The following SKI variants were observed in gnomAD, a reference collection of about 807,000 sequenced individuals.
The protein encoded by SKI is SKI proto-oncogene.
In SKI, 23 loss-of-function variants were observed where a neutral mutation model predicts 59.3. The ratio of observed to expected loss-of-function variants is 0.39; its 90% CI spans 0.28 to 0.55. The LOEUF is 0.55. Ranked by LOEUF, SKI falls within the 20% of genes least tolerant of loss-of-function variation. The pLI, the probability that SKI is intolerant of heterozygous loss-of-function variation, is 0.67. For missense variants in SKI, 1,017 were observed against 1,038.9 expected (o/e 0.98, Z 0.29); for synonymous variants, 673 against 488.6 (o/e 1.38, Z -4.98).
chr1:2,246,997 C>T (rs927697136), intron 1 of SKI, among the ~76,000 whole-genome samples: 5 of 152,138 alleles, frequency 3.3e-5, no homozygotes, highest in Admixed American at 6.5e-5. Context: ...CTGAGGCCAG[C>T]GGATCACAAG....
At chr1:2,249,343 C>A (rs1377912442) in intron 1 of SKI, among the ~76,000 whole-genome samples, 1 of 152,220 alleles carries the variant, frequency 6.6e-6, no homozygotes, top group Non-Finnish European at 1.5e-5. Flanking sequence ...CTAGCGTTGC[C>A]GGCCACGCAG....
intron 1 of SKI, among the ~76,000 whole-genome samples, chr1:2,289,200 T>G (rs1358971963): frequency 6.6e-6 from 1 of 152,100 alleles, no homozygotes; most frequent in Non-Finnish European, 1.5e-5. Flanking sequence ...GCTCCTCTGT[T>G]ATGTTGAGCC....
At position 2,303,688 on chromosome 1, in the gene SKI, A is replaced by T; in HGVS notation, c.1212-152A>T. ...GAGACCCAGCAAGCAGAAAACGCTTACGGGTTCTTAGGGAACTGTAAGCTT... is the reference window on the plus strand; with the variant it reads ...GAGACCCAGCAAGCAGAAAACGCTTTCGGGTTCTTAGGGAACTGTAAGCTT... On this transcript the variant is annotated intron_variant, in intron 3 of 6. Coordinates refer to ENST00000378536, the MANE Select transcript of SKI (RefSeq NM_003036.4). This position sits in a 1 kb window ranked among gnomAD's most constrained non-coding sequence, Gnocchi z 5.6. The T allele has an allele frequency of 1.8e-6, 2 of 1,098,490 alleles. No individual in the cohort carries two copies. The highest frequency in any genetic ancestry group is 1.6e-5 in the African/African-American group (1 of 63,880). The allele number at this position is 1,098,490 out of a possible 1,614,324, so 68.0% of individuals were successfully genotyped here.
intron 1 of SKI, among the ~76,000 whole-genome samples, chr1:2,274,383 C>G (rs1639696865): frequency 6.6e-6 from 1 of 152,104 alleles, no homozygotes; most frequent in Non-Finnish European, 1.5e-5. Flanking sequence ...GTTTGCAGGT[C>G]ACGACCACCC....
rs1640683820 is a variant in SKI, at chr1:2,309,305, T to A, written c.*2540T>A. ...TCATCTAAGTGATTGTGTATTCAGT[T>A]TAATTCTCATTATATTTCTATACTG... On this transcript the variant is annotated 3_prime_UTR_variant, in exon 7 of 7. Transcript: ENST00000378536. 6.6e-6 allele frequency: 1 copy of A among 152,172 alleles called. No individual in the cohort carries two copies. The highest frequency in any genetic ancestry group is 1.5e-5 in the Non-Finnish European group (1 of 68,044). 9.4% of individuals were successfully genotyped at this position (152,172 alleles called of 1,614,324 possible).
chr1:2,244,599 C>T (rs10910034), intron 1 of SKI, among the ~76,000 whole-genome samples: 62,336 of 151,874 alleles, frequency 0.41, 13,078 homozygotes, highest in Admixed American at 0.47. Context: ...AAAGCAAAAA[C>T]AAGATTCTGT....
chr1:2,243,456 C>A (rs989381839), intron 1 of SKI, among the ~76,000 whole-genome samples: 3 of 152,194 alleles, frequency 2.0e-5, no homozygotes, highest in Non-Finnish European at 4.4e-5. Flanking sequence ...CTGGTCTGCG[C>A]GTGTGCTCTC....
At chr1:2,287,683 T>C (rs1640070204) in intron 1 of SKI, among the ~76,000 whole-genome samples, 1 of 151,794 alleles carries the variant, frequency 6.6e-6, no homozygotes, top group Non-Finnish European at 1.5e-5. Flanking sequence ...TGTGGACGGG[T>C]CTTGCATGCG....
intron 1 of SKI, among the ~76,000 whole-genome samples, chr1:2,263,581 T>C (rs564253088): frequency 3.8e-4 from 58 of 152,178 alleles, no homozygotes; most frequent in African/African-American, 1.3e-3. Context: ...GTGTGTGTTT[T>C]TTTTTCTTCT....
Position 2,229,157 on chromosome 1 carries a change from C to T in SKI, c.391C>T (p.Leu131=), listed in dbSNP as rs1367983803. The change falls in exon 1 of 7, where the codon CTG becomes TTG. Residue 131 remains leucine, a synonymous_variant. Transcript: ENST00000378536. This position sits in a 1 kb window ranked among gnomAD's most constrained non-coding sequence, Gnocchi z 6.3. ...TCTGCCGCAGATTCTCAACTCGGTG[C>T]TGCGCGACTTCTCGCTGCAGCAGAT... The part of the protein sequence containing the change: ...LCLPQILNSV[L]RDFSLQQINA... 2 of 1,611,956 alleles carry T rather than the reference C, an allele frequency of 1.2e-6. No individual in the cohort carries two copies. Among genetic ancestry groups the T allele is most frequent in the East Asian group, 2.2e-5 (1 of 44,848 alleles).
Position 2,229,003 on chromosome 1 carries a change from C to G in SKI, c.237C>G (p.Ile79Met), listed in dbSNP as rs1288618920. The G allele has an allele frequency of 6.4e-7, 1 of 1,568,358 alleles. No individual in the cohort carries two copies. The highest frequency in any genetic ancestry group is 8.6e-7 in the Non-Finnish European group (1 of 1,164,540). Residue 79 changes from isoleucine to methionine, a missense_variant, in exon 1 of 7, where the codon ATC becomes ATG. By Grantham distance (10) the Ile-to-Met change is conservative. Transcript: ENST00000378536. The surrounding 1 kb of genome is among the most constrained non-coding windows in gnomAD (Gnocchi z 6.3). ...EPPPVLHLPA[I>M]QPPPPVLPGP... ...CGCCCGTGCTGCACCTGCCCGCCAT[C>G]CAGCCGCCGCCGCCCGTGCTGCCCG...
At chr1:2,250,475 A>G (rs925391173) in intron 1 of SKI, among the ~76,000 whole-genome samples, 1 of 152,172 alleles carries the variant, frequency 6.6e-6, no homozygotes, top group Non-Finnish European at 1.5e-5. Context: ...TTATTTTGAG[A>G]AATCTCCAAA....
Position 2,309,447 on chromosome 1 carries a change from TCAC to T in SKI, c.*2684_*2686del, listed in dbSNP as rs1265440784. The T allele has an allele frequency of 2.6e-5, 4 of 152,204 alleles. No homozygotes were observed. The highest frequency in any genetic ancestry group is 5.9e-5 in the Non-Finnish European group (4 of 68,040). The allele number at this position is 152,204 out of a possible 1,614,324, so 9.4% of individuals were successfully genotyped here. ...CAGAACTAGCCAATGTAAAAACAGT[TCAC>T]CTGTAAATACTTTTTCCTTTTTCAC... On this transcript the variant is annotated 3_prime_UTR_variant, in exon 7 of 7. Coordinates refer to ENST00000378536, the MANE Select transcript of SKI (RefSeq NM_003036.4).
intron 1 of SKI, among the ~76,000 whole-genome samples, chr1:2,273,848 C>T (rs1417961158): frequency 1.3e-5 from 2 of 152,148 alleles, no homozygotes; most frequent in African/African-American, 4.8e-5. Context: ...GCGGATGGGC[C>T]GTGCAGGCAG....
At chr1:2,283,276 C>T (rs1017522826) in intron 1 of SKI, among the ~76,000 whole-genome samples, 5 of 152,236 alleles carry the variant, frequency 3.3e-5, no homozygotes, top group Admixed American at 6.5e-5. Flanking sequence ...CACTCAGTCT[C>T]CCCAGCACGG....
rs544199232 is a variant in SKI at position 2,284,676 on chromosome 1, C to T, written c.970-18302C>T. Among the ~76,000 whole-genome samples the T allele has an allele frequency of 1.4e-4, 22 of 152,278 alleles. No individual in the cohort carries two copies. In the East Asian group the frequency reaches 1.7e-3, roughly 12 times the overall value. On this transcript the variant is annotated intron_variant, in intron 1 of 6. Coordinates refer to ENST00000378536, the MANE Select transcript of SKI (RefSeq NM_003036.4). ...TGGGCCTCTTGCGGCGGCTCCCTCCCGCCCCACACCGGCCTATGAGCCCTC... is the reference window on the plus strand; with the variant it reads ...TGGGCCTCTTGCGGCGGCTCCCTCCTGCCCCACACCGGCCTATGAGCCCTC...
intron 1 of SKI, among the ~76,000 whole-genome samples, chr1:2,243,700 T>C (rs1638928152): frequency 6.6e-6 from 1 of 151,984 alleles, no homozygotes; most frequent in African/African-American, 2.4e-5. Flanking sequence ...TGTAAACGAG[T>C]TCTCTGCTGC....
At chr1:2,257,425 C>T (rs891775690) in intron 1 of SKI, among the ~76,000 whole-genome samples, 1 of 152,268 alleles carries the variant, frequency 6.6e-6, no homozygotes, top group Non-Finnish European at 1.5e-5. Context: ...GCAAGGCCTC[C>T]CCTCCCATGG....
In SKI at chr1:2,229,640, A is replaced by T; in HGVS notation, c.874A>T (p.Thr292Ser). The change falls in exon 1 of 7, where the codon ACG (threonine) becomes TCG (serine). Residue 292 changes from threonine (T) to serine (S), a missense_variant. By Grantham distance (58) the Thr-to-Ser change is moderately conservative (BLOSUM62 1). Coordinates refer to ENST00000378536, the MANE Select transcript of SKI (RefSeq NM_003036.4). The surrounding 1 kb of genome is among the most constrained non-coding windows in gnomAD (Gnocchi z 6.3). ...CTACATCCTGCTGAGCCAGGATTAC[A>T]CGGGCAAGGAGGAGCAGGCGCGCCT... ...RAYILLSQDY[T>S]GKEEQARLGR... 1 of 1,612,296 alleles carries T rather than the reference A, an allele frequency of 6.2e-7. No individual in the cohort carries two copies. Among genetic ancestry groups the T allele is most frequent in the Non-Finnish European group, 8.5e-7 (1 of 1,179,770 alleles).
Sources: gnomAD v4.1 joint callset for allele counts (sites outside exome capture counted in the v4.1 genomes callset) on GRCh38, gnomAD v4.1.1 for gene constraint, Gnocchi (gnomAD v3.1) non-coding constraint, MANE v1.5 for transcripts, NCBI Gene and HGNC (gene_info 2026-07-23, HGNC 2026-07-21) for gene names.